Variants in WNK1 observed in about 807,000 individuals in gnomAD.
The protein encoded by WNK1 is serine/threonine-protein kinase WNK1.
In WNK1, 38 loss-of-function variants were observed where a neutral mutation model predicts 222.8. The observed-to-expected ratio is 0.17, with a 90% CI of 0.13 to 0.22. The LOEUF is 0.22. Ranked by LOEUF, WNK1 falls within the 10% of genes least tolerant of loss-of-function variation. The pLI, the probability that WNK1 is intolerant of heterozygous loss-of-function variation, is 1.00. For missense variants in WNK1, 2,348 were observed against 2,918.4 expected, an observed-to-expected ratio of 0.80 and a Z score of 4.50; for synonymous variants, 1,090 against 1,092.9, an observed-to-expected ratio of 1.00 and a Z score of 0.05.
intron 1 of WNK1, among the ~76,000 whole-genome samples, chr12:768,284 T>C (rs1942027925): frequency 6.6e-6 from 1 of 152,072 alleles, no homozygotes; most frequent in Non-Finnish European, 1.5e-5. Flanking sequence ...TACAGGCGCT[T>C]GCAACCATGA....
At chr12:906,928 T>C in intron 26 of WNK1, 5 of 192,610 alleles carry the variant, frequency 2.6e-5, no homozygotes, top group Non-Finnish European at 4.7e-5. Context: ...CCAAGCTACT[T>C]GGGAGGCTGA....
At chr12:864,264 C>T (rs781237090) in intron 8 of WNK1, among the ~76,000 whole-genome samples, 14 of 151,908 alleles carry the variant, frequency 9.2e-5, no homozygotes, top group Non-Finnish European at 1.3e-4. Flanking sequence ...CCCATCACCA[C>T]GCCCAGCTAA....
Position 884,658 on chromosome 12 carries a change from C to G in WNK1, c.3854C>G (p.Ser1285Cys). The change falls in exon 19 of 28, where the codon TCT (serine) becomes TGT (cysteine). Residue 1285 changes from serine to cysteine, a missense_variant. Around this residue, in one of 13 missense-constraint regions of WNK1, gnomAD observed 1,144 missense variants for 1,273.6 expected, o/e 0.90. Transcript: ENST00000315939. This position sits in a 1 kb window ranked among gnomAD's most constrained non-coding sequence, Gnocchi z 5.6. ...PSEITDTVAA[S>C]TAQSPGMNLS... The stretch of plus-strand genomic sequence containing the variant: ...TTGTATTCCTTTGCAGTTGCTGCCT[C>G]TACAGCTCAGAGCCCTGGAATGAAC... 2 of 1,614,214 alleles carry G rather than the reference C, an allele frequency of 1.2e-6. No homozygotes were observed. Among genetic ancestry groups the G allele is most frequent in the Non-Finnish European group, 8.5e-7 (1 of 1,180,026 alleles).
intron 22 of WNK1, among the ~76,000 whole-genome samples, chr12:891,927 C>CA (rs923976435): frequency 2.1e-4 from 29 of 137,922 alleles, no homozygotes; most frequent in African/African-American, 4.6e-4. Flanking sequence ...GACCCTGTCT[C>CA]AAAAAAAAAA....
At chr12:835,214 C>T (rs542591296) in intron 4 of WNK1, among the ~76,000 whole-genome samples, 2 of 152,188 alleles carry the variant, frequency 1.3e-5, no homozygotes, top group South Asian at 2.1e-4. Context: ...TGATGCATGC[C>T]TGTAGTCCCA....
At chr12:802,249 G>C (rs868187635) in intron 1 of WNK1, among the ~76,000 whole-genome samples, 1 of 152,144 alleles carries the variant, frequency 6.6e-6, no homozygotes, top group South Asian at 2.1e-4. Flanking sequence ...GCTAAAATAG[G>C]TAGTAAGTAC....
intron 27 of WNK1, 129 bp downstream of exon 27, chr12:908,163 C>A: frequency 2.5e-6 from 3 of 1,197,942 alleles, no homozygotes; most frequent in Admixed American, 4.0e-5. Context: ...AAAAACAAGG[C>A]AAAAATCCCC....
rs138640328 is a variant in WNK1, at chr12:804,370, T to C, written c.760-9272T>C. 4.3e-4 allele frequency among the ~76,000 whole-genome samples: 65 copies of C among 152,268 alleles called. 1 individual carries two copies. The East Asian group carries it at 4.6e-3, about 11-fold the overall frequency. ...TAAGCACATTTACAATGTTGTGCAA[T>C]TACTATCATCCATATCTAGAACTTT... On this transcript the variant is annotated intron_variant, in intron 1 of 27. Transcript: ENST00000315939.
chr12:883,798 C>T lies in WNK1; in HGVS notation c.3688C>T (p.Pro1230Ser). The change falls in exon 17 of 28, where the codon CCA becomes TCA. Residue 1230 changes from proline (P) to serine (S), a missense_variant. By Grantham distance (74) the Pro-to-Ser change is moderately conservative. Coordinates refer to ENST00000315939, the MANE Select transcript of WNK1 (RefSeq NM_018979.4). ...SQKLEGEFKQ[P>S]IPASSMPQQI... ...GAAATTGGAAGGAGAGTTCAAACAA[C>T]CAATTCCTGCGTCTTCCATGCCACA... is the stretch of plus-strand genomic sequence containing the variant. 6.2e-7 allele frequency: 1 copy of T among 1,614,094 alleles called. No homozygotes were observed.
chr12:896,386 A>G lies in WNK1; in HGVS notation c.5899A>G (p.Ile1967Val). 1 of 1,614,182 alleles carries G rather than the reference A, an allele frequency of 6.2e-7. No individual in the cohort carries two copies. The highest frequency in any genetic ancestry group is 8.5e-7 in the Non-Finnish European group (1 of 1,180,044). The change falls in exon 24 of 28, where the codon ATC (isoleucine) becomes GTC (valine). Residue 1967 changes from isoleucine to valine, a missense_variant. Coordinates refer to ENST00000315939, the MANE Select transcript of WNK1 (RefSeq NM_018979.4). ...RFSVSKTEDK[I>V]TDTKKEGPVA... ...CTCTGTATCAAAAACTGAGGACAAG[A>G]TCACTGACACAAAGAAAGAAGGACC... is the stretch of plus-strand genomic sequence containing the variant.
In WNK1 at chr12:865,330, G is replaced by C. The variant is rs550716144; in HGVS notation, c.2139+3060G>C. The C allele has an allele frequency of 2.0e-6, 3 of 1,536,104 alleles. No homozygotes were observed. Among genetic ancestry groups the C allele is most frequent in the East Asian group, 4.9e-5 (2 of 40,924 alleles). ...CACTCTGCCTCTCAGCGCAAGCACC[G>C]ACGCTCCAGCCTGCCTTCCCTCTTT... is the stretch of plus-strand genomic sequence containing the variant. On this transcript the variant is annotated intron_variant, in intron 8 of 27. Coordinates refer to ENST00000315939, the MANE Select transcript of WNK1 (RefSeq NM_018979.4).
At chr12:776,497 C>A (rs537182226) in intron 1 of WNK1, among the ~76,000 whole-genome samples, 15 of 151,004 alleles carry the variant, frequency 9.9e-5, no homozygotes, top group African/African-American at 3.4e-4. Context: ...GTGGCGCAAT[C>A]TTGGCTCACT....
intron 2 of WNK1, among the ~76,000 whole-genome samples, chr12:816,398 T>G (rs1947338481): frequency 6.6e-6 from 1 of 152,026 alleles, no homozygotes; most frequent in Non-Finnish European, 1.5e-5. Flanking sequence ...GCCTCCCCAC[T>G]ACCTGGGACT....
chr12:887,219 A>C lies in WNK1; in HGVS notation c.5281-2A>C, dbSNP rs1327298812. 1 of 1,614,130 alleles carries C rather than the reference A, an allele frequency of 6.2e-7. No individual in the cohort carries two copies. The highest frequency in any genetic ancestry group is 8.5e-7 in the Non-Finnish European group (1 of 1,179,980). On this transcript the variant is annotated splice_acceptor_variant, in intron 19 of 27. Coordinates refer to ENST00000315939, the MANE Select transcript of WNK1 (RefSeq NM_018979.4). LOFTEE classifies it high-confidence loss of function. ...ACTTGATTTTCCCTTTGTTGTCTGT[A>C]GGTGCTGCCAGTGGGTACTGAACTT...
In WNK1 at chr12:880,969, C is replaced by G. The variant is rs150212942; in HGVS notation, c.3081C>G (p.Pro1027=). ...SQPGGSLAQA[P]TTSSQQAVLE... ...CAGGAGGGAGTTTAGCACAAGCCCC[C>G]ACTACATCCTCCCAGCAAGCAGTTT... The change falls in exon 12 of 28, where the codon CCC becomes CCG. Residue 1027 remains proline, a synonymous_variant. Transcript: ENST00000315939. 4.3e-6 allele frequency: 7 copies of G among 1,614,026 alleles called. No individual in the cohort carries two copies. In the African/African-American group the frequency reaches 8.0e-5, roughly 18 times the overall value.
chr12:868,340 T>C lies in WNK1; in HGVS notation c.2140-2925T>C, dbSNP rs1379384995. On this transcript the variant is annotated intron_variant, in intron 8 of 27. Transcript: ENST00000315939. ...ACAGTATGAGGGCATTCCATACAAC[T>C]CATCAGTACTGTCAAGTCCTATGAA... 1 of 1,613,750 alleles carries C rather than the reference T, an allele frequency of 6.2e-7. No individual in the cohort carries two copies. Among genetic ancestry groups the C allele is most frequent in the Admixed American group, 1.7e-5 (1 of 59,980 alleles).
At chr12:875,439 A>C (rs114146056) in intron 9 of WNK1, among the ~76,000 whole-genome samples, 6,934 of 152,264 alleles carry the variant, frequency 0.046, 395 homozygotes, top group African/African-American at 0.13. Context: ...ACTTCAGCTC[A>C]TGTAGTTAGA....
chr12:809,918 C>T (rs1565461950), intron 1 of WNK1, among the ~76,000 whole-genome samples: 1 of 152,108 alleles, frequency 6.6e-6, no homozygotes. Context: ...GTTTTTATTT[C>T]TTTATCCTAA....
At chr12:810,255 A>C (rs993868697) in intron 1 of WNK1, among the ~76,000 whole-genome samples, 4 of 152,130 alleles carry the variant, frequency 2.6e-5, no homozygotes, top group Non-Finnish European at 5.9e-5. Flanking sequence ...TCAAAAAAAA[A>C]AAAGGTGAAA....
Sources: gnomAD v4.1 joint callset for allele counts (sites outside exome capture counted in the v4.1 genomes callset) on GRCh38, gnomAD v4.1.1 for gene constraint, gnomAD v4.1.1 regional missense constraint, Gnocchi (gnomAD v3.1) non-coding constraint, MANE v1.5 for transcripts, NCBI Gene and HGNC (gene_info 2026-07-23, HGNC 2026-07-21) for gene names.